PLCL1: variants seen among roughly 807,000 people sequenced by gnomAD.
The protein encoded by PLCL1 is phospholipase C like 1 (inactive).
PLCL1 carries 41 observed loss-of-function variants against 84.4 expected under a neutral mutation model. That is an observed-to-expected ratio of 0.49 (90% CI 0.38 to 0.63). The LOEUF is 0.63. Among genes scored for constraint, PLCL1 ranks in the 30% least tolerant of loss-of-function variants. The probability of loss-of-function intolerance (pLI) is 0.00; values close to 1 mark genes in which losing one functional copy is unlikely to be tolerated. For missense variants in PLCL1, 1,206 were observed against 1,367.8 expected, an observed-to-expected ratio of 0.88 and a Z score of 1.87; for synonymous variants, 490 against 488.3, an observed-to-expected ratio of 1.00 and a Z score of -0.05.
intron 5 of PLCL1, among the ~76,000 whole-genome samples, chr2:198,131,722 C>T (rs1304983543): frequency 6.6e-6 from 1 of 152,176 alleles, no homozygotes; most frequent in African/African-American, 2.4e-5. Context: ...TTAGCCAGGA[C>T]ATGGTTTAAA....
intron 5 of PLCL1, among the ~76,000 whole-genome samples, chr2:198,138,560 C>T (rs1694310933): frequency 6.6e-6 from 1 of 151,970 alleles, no homozygotes; most frequent in Admixed American, 6.6e-5. Flanking sequence ...TTATTTTTTA[C>T]AAGAAGTTGT....
intron 1 of PLCL1, among the ~76,000 whole-genome samples, chr2:197,992,955 A>G (rs2105813990): frequency 6.6e-6 from 1 of 152,328 alleles, no homozygotes; most frequent in East Asian, 1.9e-4. Context: ...TGTTACTAAT[A>G]ATGCTTCTGT....
intron 1 of PLCL1, among the ~76,000 whole-genome samples, chr2:197,897,025 G>T (rs763851484): frequency 6.6e-6 from 1 of 152,052 alleles, no homozygotes; most frequent in Non-Finnish European, 1.5e-5. Flanking sequence ...ACTGCTTTTA[G>T]TATTTTGTGA....
intron 5 of PLCL1, among the ~76,000 whole-genome samples, chr2:198,134,060 C>T (rs903129144): frequency 5.9e-5 from 9 of 152,044 alleles, no homozygotes; most frequent in East Asian, 1.9e-4. Flanking sequence ...CAAGCCAACA[C>T]GACACAATCT....
chr2:198,122,857 T>G (rs1413066749), intron 5 of PLCL1, among the ~76,000 whole-genome samples: 7 of 152,142 alleles, frequency 4.6e-5, no homozygotes, highest in African/African-American at 1.7e-4. Context: ...TTGTACTTAT[T>G]AAATCAGTAA....
intron 1 of PLCL1, among the ~76,000 whole-genome samples, chr2:197,812,302 G>A (rs1482062091): frequency 6.6e-6 from 1 of 152,116 alleles, no homozygotes; most frequent in East Asian, 1.9e-4. Context: ...GAGCGCTGTT[G>A]GATATATACC....
chr2:197,839,684 C>A (rs1686951660), intron 1 of PLCL1, among the ~76,000 whole-genome samples: 1 of 152,202 alleles, frequency 6.6e-6, no homozygotes, highest in Non-Finnish European at 1.5e-5. Flanking sequence ...TTCAAGAATG[C>A]AGTCCATGAT....
At chr2:198,138,695 T>C (rs1446133395) in intron 5 of PLCL1, among the ~76,000 whole-genome samples, 1 of 152,202 alleles carries the variant, frequency 6.6e-6, no homozygotes, top group Non-Finnish European at 1.5e-5. Flanking sequence ...GACCATATAA[T>C]TGCTACACAG....
At chr2:197,866,122 A>ATAGTTAGTTTAAGAAATG (rs1559029493) in intron 1 of PLCL1, among the ~76,000 whole-genome samples, 1 of 41,562 alleles carries the variant, frequency 2.4e-5, no homozygotes. Flanking sequence ...ATATATATAT[A>ATAGTTAGTTTAAGAAATG]AACTATATAT....
chr2:197,997,181 G>A (rs1005048588), intron 1 of PLCL1, among the ~76,000 whole-genome samples: 6 of 152,228 alleles, frequency 3.9e-5, no homozygotes, highest in Non-Finnish European at 5.9e-5. Context: ...TGTGCACAGC[G>A]TAAGTGGCAC....
chr2:198,027,088 A>G (rs921258003), intron 1 of PLCL1, among the ~76,000 whole-genome samples: 1 of 152,206 alleles, frequency 6.6e-6, no homozygotes, highest in Non-Finnish European at 1.5e-5. Flanking sequence ...ATTGTCGACA[A>G]TTGGCAAGAT....
intron 1 of PLCL1, among the ~76,000 whole-genome samples, chr2:197,814,234 G>A (rs900895968): frequency 2.6e-5 from 4 of 151,932 alleles, no homozygotes; most frequent in South Asian, 4.2e-4. Flanking sequence ...GTGGCATTTC[G>A]TGTCTCATTT....
chr2:197,942,292 A>T (rs1212989164), intron 1 of PLCL1, among the ~76,000 whole-genome samples: 1 of 152,114 alleles, frequency 6.6e-6, no homozygotes, highest in Non-Finnish European at 1.5e-5. Flanking sequence ...TAACTTTTTT[A>T]AAAAATTGCA....
rs1691009823 is a variant in PLCL1, at chr2:197,829,513, CTT to C, written c.240+24175_240+24176del. 3.9e-5 allele frequency among the ~76,000 whole-genome samples: 6 copies of C among 152,130 alleles called. No homozygotes were observed. In the South Asian group the frequency reaches 1.0e-3, roughly 26 times the overall value. ...TTTAAATTTTATGTTAAGAAATTAA[CTT>C]ATTTAATAAATTAATTTTCTTCTTT... On this transcript the variant is annotated intron_variant, in intron 1 of 5. Transcript: ENST00000428675.
chr2:197,990,264 C>T (rs186388979), intron 1 of PLCL1, among the ~76,000 whole-genome samples: 1 of 152,222 alleles, frequency 6.6e-6, no homozygotes, highest in Admixed American at 6.5e-5. Flanking sequence ...GTTATTATTC[C>T]TAGAGATATG....
At chr2:197,857,252 G>A (rs1189736081) in intron 1 of PLCL1, among the ~76,000 whole-genome samples, 1 of 151,958 alleles carries the variant, frequency 6.6e-6, no homozygotes, top group African/African-American at 2.4e-5. Flanking sequence ...ACCAGAAATG[G>A]CATGTGGCCA....
At chr2:198,128,930 G>C (rs1168279941) in intron 5 of PLCL1, among the ~76,000 whole-genome samples, 2 of 152,102 alleles carry the variant, frequency 1.3e-5, no homozygotes, top group Admixed American at 1.3e-4. Context: ...AATTGGATAC[G>C]CTGCATTATA....
Position 198,086,236 on chromosome 2 carries a change from G to T in PLCL1, c.2715+4G>T, listed in dbSNP as rs1413109836. 1.3e-6 allele frequency: 2 copies of T among 1,565,686 alleles called. No homozygotes were observed. The highest frequency in any genetic ancestry group is 1.7e-6 in the Non-Finnish European group (2 of 1,144,596). ...AGATATGAGAGAAAATATGCAGGTA[G>T]GAGAAACACTCACACTCTCCTTCCC... On this transcript the variant is annotated splice_donor_region_variant and intron_variant, in intron 2 of 5. Transcript: ENST00000428675.
At chr2:197,865,467 G>A (rs1032998728) in intron 1 of PLCL1, among the ~76,000 whole-genome samples, 1 of 152,094 alleles carries the variant, frequency 6.6e-6, no homozygotes, top group Non-Finnish European at 1.5e-5. Context: ...TAACCTTAAG[G>A]AGCTCACATG....
Sources: gnomAD v4.1 joint callset for allele counts (sites outside exome capture counted in the v4.1 genomes callset) on GRCh38, gnomAD v4.1.1 for gene constraint, MANE v1.5 for transcripts, NCBI Gene and HGNC (gene_info 2026-07-23, HGNC 2026-07-21) for gene names.